The following C4orf51 variants were observed in gnomAD, a reference collection of about 807,000 sequenced individuals.
C4orf51 encodes the protein uncharacterized protein C4orf51.
A neutral mutation model predicts 25.2 loss-of-function variants in C4orf51; 25 were observed. The ratio of observed to expected loss-of-function variants is 0.99; its 90% CI spans 0.72 to 1.39. C4orf51 has a LOEUF of 1.39. Among genes scored for constraint, C4orf51 ranks in the 40% most tolerant of loss-of-function variants. The pLI is 0.00. For missense variants in C4orf51, 252 were observed against 239.6 expected (o/e 1.05, Z -0.34); for synonymous variants, 100 against 84.5 (o/e 1.18, Z -1.01).
At chr4:145,770,692 G>A (rs180897856) in intron 1 of C4orf51, among the ~76,000 whole-genome samples, 1 of 152,076 alleles carries the variant, frequency 6.6e-6, no homozygotes, top group African/African-American at 2.4e-5. Flanking sequence ...GAAAATATTT[G>A]CATTGTTTTA....
chr4:145,684,572 G>A (rs1729030426), intron 1 of C4orf51, among the ~76,000 whole-genome samples: 1 of 152,186 alleles, frequency 6.6e-6, no homozygotes. Flanking sequence ...CACCTATCAA[G>A]GTGAACCCCT....
At chr4:145,789,381 A>G in the C4orf51 span, among the ~76,000 whole-genome samples, 11 of 152,332 alleles carry the variant, frequency 7.2e-5, no homozygotes, top group East Asian at 1.9e-3. Flanking sequence ...ACAATATCAG[A>G]GTTTGTTAAA....
chr4:145,782,565 T>A, the C4orf51 span, among the ~76,000 whole-genome samples: 2 of 152,224 alleles, frequency 1.3e-5, no homozygotes, highest in Non-Finnish European at 2.9e-5. Context: ...TGTGTCATCA[T>A]CTTTCACCAA....
At chr4:145,755,375 G>A (rs1733882100), downstream of C4orf51, among the ~76,000 whole-genome samples, 1 of 152,210 alleles carries the variant, frequency 6.6e-6, no homozygotes, top group African/African-American at 2.4e-5. Flanking sequence ...TGATTTTGAA[G>A]TGTGAATTGA....
At chr4:145,752,037 G>A (rs913740568) in intron 1 of C4orf51, among the ~76,000 whole-genome samples, 4 of 152,144 alleles carry the variant, frequency 2.6e-5, no homozygotes, top group African/African-American at 7.2e-5. Flanking sequence ...GGACTCACCT[G>A]TCAGGGCAGT....
chr4:145,700,814 A>G (rs562441463), intron 2 of C4orf51, among the ~76,000 whole-genome samples: 2 of 151,850 alleles, frequency 1.3e-5, no homozygotes, highest in East Asian at 1.9e-4. Context: ...CTAGGTCCCA[A>G]TTCTTCCTCA....
At chr4:145,753,734 G>T (rs1457300941) in intron 1 of C4orf51, among the ~76,000 whole-genome samples, 1 of 152,126 alleles carries the variant, frequency 6.6e-6, no homozygotes, top group African/African-American at 2.4e-5. Context: ...AGAGGCCTGG[G>T]TGGTAACTTG....
intron 2 of C4orf51, among the ~76,000 whole-genome samples, chr4:145,721,627 G>C (rs1366257931): frequency 2.0e-5 from 3 of 152,168 alleles, no homozygotes; most frequent in Non-Finnish European, 4.4e-5. Flanking sequence ...CAAGTGTAAG[G>C]CAACAGTTTC....
downstream of C4orf51, chr4:145,757,593 G>A (rs1475613410): frequency 6.7e-6 from 1 of 149,838 alleles, no homozygotes. Flanking sequence ...AAGCAGCCAA[G>A]GATGGCAAAC....
At chr4:145,707,610 A>C (rs147636686) in intron 2 of C4orf51, among the ~76,000 whole-genome samples, 1,645 of 152,358 alleles carry the variant, frequency 0.011, 16 homozygotes, top group South Asian at 0.024. Context: ...TATTAAGCAC[A>C]CACCCATCAT....
chr4:145,706,300 G>A (rs1351138065), intron 2 of C4orf51, among the ~76,000 whole-genome samples: 1 of 152,100 alleles, frequency 6.6e-6, no homozygotes, highest in South Asian at 2.1e-4. Context: ...TTTAAAATTG[G>A]CTTTAATGAA....
At chr4:145,781,793 C>T in the C4orf51 span, among the ~76,000 whole-genome samples, 1 of 152,112 alleles carries the variant, frequency 6.6e-6, no homozygotes, top group African/African-American at 2.4e-5. Context: ...CTTCAAAGAA[C>T]AATAACGGTA....
intron 2 of C4orf51, among the ~76,000 whole-genome samples, chr4:145,718,771 C>A (rs185000511): frequency 6.6e-6 from 1 of 152,350 alleles, no homozygotes; most frequent in East Asian, 1.9e-4. Flanking sequence ...TCATCCTGTT[C>A]CAGTTATAAT....
rs143077684 is a variant in C4orf51, at chr4:145,683,470, G to A, written c.233+3034G>A. On this transcript the variant is annotated intron_variant, in intron 1 of 5. Coordinates refer to ENST00000438731, the MANE Select transcript of C4orf51 (RefSeq NM_001080531.3). ...ACACGATATTGAAGAAGAACATAGA[G>A]TTGGAGGACTGACACTACCCAACTT... is the stretch of plus-strand genomic sequence containing the variant. 1.2e-3 allele frequency among the ~76,000 whole-genome samples: 180 copies of A among 152,312 alleles called. 1 individual carries two copies. The highest frequency in any genetic ancestry group is 4.1e-3 in the African/African-American group (172 of 41,576).
At chr4:145,736,548 C>T (rs1483242478), downstream of C4orf51, among the ~76,000 whole-genome samples, 3 of 152,242 alleles carry the variant, frequency 2.0e-5, no homozygotes, top group East Asian at 5.8e-4. Flanking sequence ...CAGGGAGGGC[C>T]TTCTCTGGCT....
At chr4:145,781,354 CAATGGGAT>C in the C4orf51 span, among the ~76,000 whole-genome samples, 1 of 151,744 alleles carries the variant, frequency 6.6e-6, no homozygotes, top group African/African-American at 2.4e-5. Flanking sequence ...GTGGCTAAAT[CAATGGGAT>C]CAATTTTCAC....
At chr4:145,728,149 T>G (rs899786211) in intron 3 of C4orf51, among the ~76,000 whole-genome samples, 1 of 150,330 alleles carries the variant, frequency 6.7e-6, no homozygotes, top group African/African-American at 2.4e-5. Context: ...TATACGTTTT[T>G]GTAGCTGTAA....
In C4orf51 at chr4:145,765,438, C is replaced by A. The variant is rs4348116; in HGVS notation, n.167-5550C>A. On this transcript the variant is annotated intron_variant and non_coding_transcript_variant, in intron 1 of 1. Coordinates refer to the C4orf51 transcript ENST00000510096. This position sits in a 1 kb window ranked among gnomAD's most constrained non-coding sequence, Gnocchi z 4.7. Reference sequence around the variant, plus strand: ...TAGGTGAGGCCCAGCATACTGCATCCTGGGCCTATTATCAGTTTTTGACAT... The same window carrying A: ...TAGGTGAGGCCCAGCATACTGCATCATGGGCCTATTATCAGTTTTTGACAT... 1 of 1,331,630 alleles carries A rather than the reference C, an allele frequency of 7.5e-7. No individual in the cohort carries two copies. The allele number at this position is 1,331,630 out of a possible 1,614,324, so 82.5% of individuals were successfully genotyped here.
At position 145,765,210 on chromosome 4, in the gene C4orf51, G is replaced by C. The variant is rs757953055; in HGVS notation, n.167-5778G>C. 2.0e-6 allele frequency: 3 copies of C among 1,538,266 alleles called. No homozygotes were observed. In the South Asian group the frequency reaches 3.8e-5, roughly 20 times the overall value. ...GTATAGAGGTGCACAGGGCAGCGGG[G>C]AGAGGAGGGCAGGAGTGGAGCCAAG... On this transcript the variant is annotated intron_variant and non_coding_transcript_variant, in intron 1 of 1. Coordinates refer to the C4orf51 transcript ENST00000510096. This position sits in a 1 kb window ranked among gnomAD's most constrained non-coding sequence, Gnocchi z 4.7.
Sources: gnomAD v4.1 joint callset for allele counts (sites outside exome capture counted in the v4.1 genomes callset) on GRCh38, gnomAD v4.1.1 for gene constraint, Gnocchi (gnomAD v3.1) non-coding constraint, MANE v1.5 for transcripts, NCBI Gene and HGNC (gene_info 2026-07-23, HGNC 2026-07-21) for gene names.